Variants in GATAD2A observed in about 807,000 individuals in gnomAD.
GATAD2A encodes the protein transcriptional repressor p66-alpha.
A neutral mutation model predicts 68.5 loss-of-function variants in GATAD2A; 12 were observed. The observed-to-expected ratio is 0.18, with a 90% CI of 0.11 to 0.28. GATAD2A has a LOEUF of 0.28. Among genes scored for constraint, GATAD2A ranks in the 10% least tolerant of loss-of-function variants. The probability of loss-of-function intolerance (pLI) is 1.00; values close to 1 mark genes in which losing one functional copy is unlikely to be tolerated. For synonymous variants in GATAD2A, 410 were observed against 375.3 expected, an observed-to-expected ratio of 1.09 and a Z score of -1.07; for missense variants, 755 against 868.5, an observed-to-expected ratio of 0.87 and a Z score of 1.64.
chr19:19,472,380 CTGGAG>C (rs1325967296), intron 2 of GATAD2A: 1 of 151,544 alleles, frequency 6.6e-6, no homozygotes, highest in East Asian at 1.9e-4. Context: ...GTTGCCCAGA[CTGGAG>C]TGTGGTGGCG....
chr19:19,441,307 A>C (rs2055045284), intron 1 of GATAD2A, among the ~76,000 whole-genome samples: 2 of 152,230 alleles, frequency 1.3e-5, no homozygotes, highest in African/African-American at 4.8e-5. Context: ...TTGTAGGAGA[A>C]AATAAGTAAG....
intron 2 of GATAD2A, among the ~76,000 whole-genome samples, chr19:19,483,874 C>T (rs1239297247): frequency 5.3e-5 from 8 of 151,216 alleles, no homozygotes; most frequent in Admixed American, 3.3e-4. Context: ...GTGATCCGCC[C>T]GCCTCGGCCT....
In GATAD2A at chr19:19,457,067, C is replaced by T. The variant is rs138580932; in HGVS notation, c.-6-8273C>T. On this transcript the variant is annotated intron_variant, in intron 1 of 11. Coordinates refer to ENST00000683918, the MANE Select transcript of GATAD2A (RefSeq NM_001384528.1). ...GAGCTGAAAGTGAGTTTGAAGTGTC[C>T]GATCCAGTCCTTCAACTCAGAGCAC... 660 of 983,832 alleles carry T rather than the reference C, an allele frequency of 6.7e-4. 4 individuals carry two copies. In the African/African-American group the frequency reaches 0.01, roughly 15 times the overall value. 60.9% of individuals were successfully genotyped at this position (983,832 alleles called of 1,614,324 possible).
intron 1 of GATAD2A, among the ~76,000 whole-genome samples, chr19:19,439,850 AAAAC>A (rs559726573): frequency 5.3e-4 from 81 of 152,304 alleles, no homozygotes; most frequent in Admixed American, 9.2e-4. Flanking sequence ...CGTATCTCAA[AAAAC>A]AAACAAACAA....
intron 1 of GATAD2A, among the ~76,000 whole-genome samples, chr19:19,424,887 G>T (rs1185301691): frequency 6.6e-6 from 1 of 151,898 alleles, no homozygotes; most frequent in Non-Finnish European, 1.5e-5. Flanking sequence ...GCTGAGGCAG[G>T]ATGATTACTT....
intron 10 of GATAD2A, 107 bp downstream of exon 10, chr19:19,502,150 T>A: frequency 1.1e-6 from 1 of 935,994 alleles, no homozygotes; most frequent in Non-Finnish European, 1.7e-6. Flanking sequence ...TCCCTGTTTC[T>A]GTTTCACTCT....
intron 7 of GATAD2A, among the ~76,000 whole-genome samples, chr19:19,497,759 G>A (rs1359171723): frequency 2.0e-5 from 3 of 152,170 alleles, no homozygotes; most frequent in Non-Finnish European, 4.4e-5. Context: ...GCCCCTAAAA[G>A]CAATAACATT....
intron 1 of GATAD2A, among the ~76,000 whole-genome samples, chr19:19,437,566 G>A (rs1359311016): frequency 1.3e-5 from 2 of 152,142 alleles, no homozygotes; most frequent in Non-Finnish European, 2.9e-5. Context: ...AAAGGAAACA[G>A]CATACTCATT....
At chr19:19,469,138 T>A (rs992060607) in intron 2 of GATAD2A, among the ~76,000 whole-genome samples, 4 of 152,210 alleles carry the variant, frequency 2.6e-5, no homozygotes, top group African/African-American at 9.6e-5. Flanking sequence ...TATAGTTTTT[T>A]AAAAAAATCA....
intron 1 of GATAD2A, among the ~76,000 whole-genome samples, chr19:19,427,332 A>G (rs536532474): frequency 2.0e-5 from 3 of 152,140 alleles, no homozygotes; most frequent in Admixed American, 2.0e-4. Flanking sequence ...CTGAATTCAG[A>G]AATATTCTAT....
intron 1 of GATAD2A, among the ~76,000 whole-genome samples, chr19:19,453,026 T>C (rs565553374): frequency 5.3e-4 from 80 of 152,340 alleles, no homozygotes; most frequent in African/African-American, 1.9e-3. Flanking sequence ...TGTGACTCCC[T>C]TCCTGCCACT....
At chr19:19,445,631 G>A (rs1405202322) in intron 1 of GATAD2A, among the ~76,000 whole-genome samples, 1 of 152,040 alleles carries the variant, frequency 6.6e-6, no homozygotes. Flanking sequence ...TCTGTCTCTG[G>A]GTTTGCCTCT....
At chr19:19,395,099 C>T (rs1012248197) in intron 1 of GATAD2A, among the ~76,000 whole-genome samples, 1 of 152,204 alleles carries the variant, frequency 6.6e-6, no homozygotes, top group Admixed American at 6.5e-5. Context: ...TGCTTGCTCC[C>T]TCCTGACTTC....
chr19:19,408,990 G>A (rs2050613777), intron 1 of GATAD2A, among the ~76,000 whole-genome samples: 1 of 142,854 alleles, frequency 7.0e-6, no homozygotes, highest in African/African-American at 2.6e-5. Flanking sequence ...TGGTAAAGTT[G>A]TAAAGCCATT....
intron 6 of GATAD2A, 58 bp downstream of exon 6, chr19:19,495,943 A>C: frequency 1.9e-6 from 3 of 1,593,744 alleles, no homozygotes; most frequent in Non-Finnish European, 2.6e-6. Flanking sequence ...GTCTACCTTG[A>C]AAGTAGGGCC....
intron 1 of GATAD2A, among the ~76,000 whole-genome samples, chr19:19,455,907 T>G (rs185598006): frequency 6.6e-6 from 1 of 152,128 alleles, no homozygotes; most frequent in Non-Finnish European, 1.5e-5. Flanking sequence ...TCCCAGCACT[T>G]TGGGAGGCTG....
intron 1 of GATAD2A, among the ~76,000 whole-genome samples, chr19:19,462,299 T>C (rs1375601457): frequency 6.6e-6 from 1 of 152,178 alleles, no homozygotes; most frequent in African/African-American, 2.4e-5. Flanking sequence ...GCAAGTGTCC[T>C]GTGGTGGCCG....
intron 1 of GATAD2A, among the ~76,000 whole-genome samples, chr19:19,412,251 G>T (rs1327778261): frequency 6.6e-6 from 1 of 151,700 alleles, no homozygotes; most frequent in Non-Finnish European, 1.5e-5. Context: ...CGCCTCCGGG[G>T]TTCATGCCAT....
At position 19,501,547 on chromosome 19, in the gene GATAD2A, C is replaced by T. The variant is rs941915674; in HGVS notation, c.1503+131C>T. 38 of 737,244 alleles carry T rather than the reference C, an allele frequency of 5.2e-5. 1 individual carries two copies. Among genetic ancestry groups the T allele is most frequent in the Admixed American group, 1.5e-4 (5 of 33,870 alleles). 45.7% of individuals were successfully genotyped at this position (737,244 alleles called of 1,614,324 possible). On this transcript the variant is annotated intron_variant, in intron 9 of 11. Transcript: ENST00000683918. Reference sequence around the variant, plus strand: ...AATTGCAGTTAATGGTGGTGTTGGGCGGCAAAAACACTAATTTGCAGTTTC... The same window carrying T: ...AATTGCAGTTAATGGTGGTGTTGGGTGGCAAAAACACTAATTTGCAGTTTC...
Sources: allele counts gnomAD v4.1 joint callset (sites outside exome capture counted in the v4.1 genomes callset), GRCh38; gene constraint gnomAD v4.1.1; transcripts MANE v1.5; gene names NCBI Gene and HGNC (gene_info 2026-07-23, HGNC 2026-07-21).